MAD1L1: variants seen among roughly 807,000 people sequenced by gnomAD.
MAD1L1 encodes mitotic arrest deficient 1 like 1.
In MAD1L1, 95 loss-of-function variants were observed where a neutral mutation model predicts 96.9. The ratio of observed to expected loss-of-function variants is 0.98; its 90% CI spans 0.83 to 1.16. MAD1L1 has a LOEUF of 1.16. Ranked by LOEUF, MAD1L1 falls within the 50% of genes most tolerant of loss-of-function variation. The probability of loss-of-function intolerance (pLI) is 0.00; values close to 1 mark genes in which losing one functional copy is unlikely to be tolerated. For missense variants in MAD1L1, 1,007 were observed against 954.4 expected, an observed-to-expected ratio of 1.06 and a Z score of -0.73; for synonymous variants, 473 against 396.6, an observed-to-expected ratio of 1.19 and a Z score of -2.29.
At chr7:2,042,688 T>C (rs916683380) in intron 12 of MAD1L1, among the ~76,000 whole-genome samples, 5 of 152,204 alleles carry the variant, frequency 3.3e-5, no homozygotes, top group Non-Finnish European at 5.9e-5. Flanking sequence ...AGTGTCTCTC[T>C]TGCTCCTGCT....
chr7:2,217,990 G>C lies in MAD1L1; in HGVS notation c.650C>G (p.Ala217Gly), dbSNP rs1793383481. 1.2e-6 allele frequency: 2 copies of C among 1,614,082 alleles called. No individual in the cohort carries two copies. Among genetic ancestry groups the C allele is most frequent in the Non-Finnish European group, 1.7e-6 (2 of 1,179,932 alleles). Reference sequence around the variant, plus strand: ...AATCTGCTGCTCGTGGTCTGCTCTTGCTTCTTGGCTGGCCTGGAGTTCCTG... The same window carrying C: ...AATCTGCTGCTCGTGGTCTGCTCTTCCTTCTTGGCTGGCCTGGAGTTCCTG... The part of the protein sequence containing the change: ...KIQELQASQE[A>G]RADHEQQIKD... The change falls in exon 7 of 19, where the codon GCA (alanine) becomes GGA (glycine). Residue 217 changes from alanine (A) to glycine (G), a missense_variant. Coordinates refer to ENST00000265854, the MANE Select transcript of MAD1L1 (RefSeq NM_001013836.2).
intron 18 of MAD1L1, among the ~76,000 whole-genome samples, chr7:1,837,982 C>T (rs901027007): frequency 3.9e-5 from 6 of 152,234 alleles, no homozygotes; most frequent in Admixed American, 1.3e-4. Flanking sequence ...TGGTGAAACA[C>T]GGCAGCGTGC....
chr7:1,881,894 G>A (rs1011985569), intron 18 of MAD1L1, among the ~76,000 whole-genome samples: 4 of 152,246 alleles, frequency 2.6e-5, no homozygotes, highest in African/African-American at 4.8e-5. Context: ...ATGCGGATAT[G>A]AGGAACGCTG....
At chr7:1,896,538 C>T (rs1786881795) in intron 18 of MAD1L1, among the ~76,000 whole-genome samples, 1 of 152,210 alleles carries the variant, frequency 6.6e-6, no homozygotes, top group Non-Finnish European at 1.5e-5. Context: ...CACAATGGAA[C>T]CCCAGGATCC....
chr7:2,087,452 A>G (rs1785978134), intron 11 of MAD1L1, among the ~76,000 whole-genome samples: 1 of 152,086 alleles, frequency 6.6e-6, no homozygotes, highest in Non-Finnish European at 1.5e-5. Context: ...AGGCACGATA[A>G]TCACTTGAAC....
At chr7:1,912,070 G>A (rs577515637) in intron 17 of MAD1L1, among the ~76,000 whole-genome samples, 1 of 152,360 alleles carries the variant, frequency 6.6e-6, no homozygotes, top group East Asian at 1.9e-4. Flanking sequence ...GAAGTCTGCA[G>A]GAGTACACAT....
At chr7:2,014,453 G>A (rs763132541) in intron 13 of MAD1L1, 49 bp downstream of exon 13, 1 of 1,515,586 alleles carries the variant, frequency 6.6e-7, no homozygotes, top group Non-Finnish European at 8.8e-7. Context: ...AGGCCCACCG[G>A]GAAGAAGCCC....
rs149494182 is a variant in MAD1L1 at position 2,095,738 on chromosome 7, G to A, written c.1074-26400C>T. Reference sequence around the variant, plus strand: ...CACAGGCGCACAAGGCTCAGCCGGCGGGGCCAACGCAGGGAAGCCGTGAGG... The same window carrying A: ...CACAGGCGCACAAGGCTCAGCCGGCAGGGCCAACGCAGGGAAGCCGTGAGG... On this transcript the variant is annotated intron_variant, in intron 11 of 18. Coordinates refer to ENST00000265854, the MANE Select transcript of MAD1L1 (RefSeq NM_001013836.2). 3.5e-4 allele frequency among the ~76,000 whole-genome samples: 54 copies of A among 152,346 alleles called. No homozygotes were observed. In the East Asian group the frequency reaches 9.5e-3, roughly 27 times the overall value.
intron 14 of MAD1L1, among the ~76,000 whole-genome samples, chr7:1,993,806 AG>A (rs1781446829): frequency 6.6e-6 from 1 of 152,242 alleles, no homozygotes; most frequent in South Asian, 2.1e-4. Context: ...AAGGGGACAG[AG>A]GGAAGATGAA....
intron 12 of MAD1L1, among the ~76,000 whole-genome samples, chr7:2,015,261 G>C (rs147286240): frequency 6.6e-6 from 1 of 152,196 alleles, no homozygotes; most frequent in Non-Finnish European, 1.5e-5. Context: ...CTGAGTCCCC[G>C]CTTTTCAGCT....
intron 18 of MAD1L1, among the ~76,000 whole-genome samples, chr7:1,855,862 CTCTG>C (rs1378025270): frequency 5.9e-5 from 9 of 152,204 alleles, no homozygotes; most frequent in Non-Finnish European, 1.0e-4. Flanking sequence ...GGTACCAATG[CTCTG>C]TCTCTTTGCG....
At chr7:1,877,219 G>A (rs902669277) in intron 18 of MAD1L1, among the ~76,000 whole-genome samples, 14 of 152,170 alleles carry the variant, frequency 9.2e-5, no homozygotes, top group East Asian at 3.9e-4. Context: ...CTGGCCCACC[G>A]CCCGCTTTTG....
intron 18 of MAD1L1, among the ~76,000 whole-genome samples, chr7:1,882,468 C>CAGGG (rs1400133790): frequency 6.6e-6 from 1 of 152,144 alleles, no homozygotes; most frequent in Non-Finnish European, 1.5e-5. Context: ...GCCTGCCTGT[C>CAGGG]AGGGAGGGAG....
chr7:2,069,457 C>T, intron 11 of MAD1L1, 119 bp from the exon 12 acceptor site: 1 of 962,642 alleles, frequency 1.0e-6, no homozygotes, highest in East Asian at 3.0e-5. Context: ...GCACGTGCAA[C>T]CCCCTCACTG....
chr7:2,161,055 T>C (rs1177833997), intron 10 of MAD1L1, among the ~76,000 whole-genome samples: 4 of 149,500 alleles, frequency 2.7e-5, no homozygotes, highest in Non-Finnish European at 6.0e-5. Context: ...GGGGCAGCAA[T>C]ATATCACTGC....
At chr7:1,900,222 C>T (rs888785675) in intron 17 of MAD1L1, among the ~76,000 whole-genome samples, 1 of 152,260 alleles carries the variant, frequency 6.6e-6, no homozygotes, top group Non-Finnish European at 1.5e-5. Context: ...CACAGAGACT[C>T]GCTGCTTAGC....
intron 18 of MAD1L1, among the ~76,000 whole-genome samples, chr7:1,856,370 G>T (rs984101363): frequency 6.6e-6 from 1 of 152,194 alleles, no homozygotes; most frequent in Non-Finnish European, 1.5e-5. Context: ...GGAAGAACCC[G>T]CCAGTCCCCA....
intron 18 of MAD1L1, among the ~76,000 whole-genome samples, chr7:1,842,233 T>A (rs1383354575): frequency 6.6e-6 from 1 of 152,208 alleles, no homozygotes; most frequent in Non-Finnish European, 1.5e-5. Flanking sequence ...ATGCCGGTAA[T>A]TAAGCCAGAG....
intron 18 of MAD1L1, chr7:1,847,297 G>A (rs1035599788): frequency 2.1e-6 from 1 of 470,942 alleles, no homozygotes; most frequent in Non-Finnish European, 4.4e-6. Context: ...AGGACTGCAG[G>A]AGCCGCTGGA....
Sources: gnomAD v4.1 joint callset for allele counts (sites outside exome capture counted in the v4.1 genomes callset) on GRCh38, gnomAD v4.1.1 for gene constraint, MANE v1.5 for transcripts, NCBI Gene and HGNC (gene_info 2026-07-23, HGNC 2026-07-21) for gene names.